SDK2: variants seen among roughly 807,000 people sequenced by gnomAD.
SDK2 encodes sidekick cell adhesion molecule 2.
Under a neutral mutation model 253.9 loss-of-function variants are expected in SDK2, and 105 were observed. The observed-to-expected ratio is 0.41, with a 90% CI of 0.35 to 0.49. The LOEUF (loss-of-function observed/expected upper bound fraction) is 0.49, where lower values mean the gene tolerates loss of function less well. Ranked by LOEUF, SDK2 falls within the 20% of genes least tolerant of loss-of-function variation. The probability of loss-of-function intolerance (pLI) is 0.06; values close to 1 mark genes in which losing one functional copy is unlikely to be tolerated. For missense variants in SDK2, 2,608 were observed against 3,003.0 expected, an observed-to-expected ratio of 0.87 and a Z score of 3.07; for synonymous variants, 1,249 against 1,234.9, an observed-to-expected ratio of 1.01 and a Z score of -0.24.
chr17:73,370,431 C>T (rs1369098069), intron 36 of SDK2, among the ~76,000 whole-genome samples: 2 of 151,958 alleles, frequency 1.3e-5, no homozygotes, highest in East Asian at 1.9e-4. Flanking sequence ...TTTGTAGAGA[C>T]GGGGTCTTGC....
intron 1 of SDK2, among the ~76,000 whole-genome samples, chr17:73,528,920 C>A (rs756449116): frequency 2.6e-5 from 4 of 152,218 alleles, no homozygotes; most frequent in Non-Finnish European, 5.9e-5. Context: ...GGGGAGCAGG[C>A]CTCGCCCCTG....
At chr17:73,409,587 G>C (rs1232662938) in intron 18 of SDK2, among the ~76,000 whole-genome samples, 2 of 151,712 alleles carry the variant, frequency 1.3e-5, no homozygotes, top group Non-Finnish European at 2.9e-5. Context: ...CTGAGATTGC[G>C]CCATTGCATT....
chr17:73,502,933 G>C (rs2063901669), intron 2 of SDK2, among the ~76,000 whole-genome samples: 1 of 152,160 alleles, frequency 6.6e-6, no homozygotes, highest in Admixed American at 6.5e-5. Context: ...ACCAATAACG[G>C]GGCAAATTGT....
intron 36 of SDK2, among the ~76,000 whole-genome samples, chr17:73,375,275 TC>T (rs1315281469): frequency 1.6e-5 from 2 of 128,306 alleles, no homozygotes; most frequent in African/African-American, 5.7e-5. Context: ...ACAGTCTTGA[TC>T]TGTTGCCCAG....
chr17:73,377,274 A>G (rs189227496), intron 36 of SDK2, among the ~76,000 whole-genome samples: 5 of 145,458 alleles, frequency 3.4e-5, no homozygotes, highest in Non-Finnish European at 7.4e-5. Flanking sequence ...GCTGGAGTGC[A>G]GTGACACGGT....
intron 36 of SDK2, 27 bp from the exon 37 acceptor site, chr17:73,368,620 G>A: frequency 1.3e-6 from 2 of 1,519,878 alleles, no homozygotes; most frequent in Non-Finnish European, 1.8e-6. Flanking sequence ...ATGTGGGAGT[G>A]AGGGGGACAG....
At chr17:73,528,036 G>A (rs1013380990) in intron 1 of SDK2, among the ~76,000 whole-genome samples, 1 of 152,100 alleles carries the variant, frequency 6.6e-6, no homozygotes, top group Non-Finnish European at 1.5e-5. Context: ...CGAGGTGACC[G>A]AGATGGAAAC....
intron 1 of SDK2, among the ~76,000 whole-genome samples, chr17:73,597,456 G>A (rs2045775446): frequency 6.6e-6 from 1 of 152,150 alleles, no homozygotes; most frequent in South Asian, 2.1e-4. Flanking sequence ...TCTGCGATGT[G>A]GACGTATCTG....
intron 33 of SDK2, among the ~76,000 whole-genome samples, chr17:73,382,262 C>T (rs897540316): frequency 3.9e-5 from 6 of 152,004 alleles, no homozygotes; most frequent in Non-Finnish European, 7.4e-5. Context: ...TGACCCCTCT[C>T]CTGCTAGTCT....
chr17:73,639,907 G>A lies in SDK2; in HGVS notation c.64+4118C>T, dbSNP rs1182124243. Among the ~76,000 whole-genome samples the A allele has an allele frequency of 6.6e-6, 1 of 152,102 alleles. No homozygotes were observed. The highest frequency in any genetic ancestry group is 2.4e-5 in the African/African-American group (1 of 41,398). ...AGACCAGATGGCCTTGTGGGCAGAC[G>A]ACGGTCCTAGATGACTTTTCGTGTG... On this transcript the variant is annotated intron_variant, in intron 1 of 44. Coordinates refer to ENST00000392650, the MANE Select transcript of SDK2 (RefSeq NM_001144952.2). The surrounding 1 kb of genome is among the most constrained non-coding windows in gnomAD (Gnocchi z 4.3).
At chr17:73,577,483 G>T (rs2045472906) in intron 1 of SDK2, among the ~76,000 whole-genome samples, 1 of 152,202 alleles carries the variant, frequency 6.6e-6, no homozygotes, top group African/African-American at 2.4e-5. Context: ...TCCCCAGCTG[G>T]TGTGGAGAGT....
Position 73,467,910 on chromosome 17 carries a change from C to T in SDK2, c.331+4202G>A, listed in dbSNP as rs1053672983. Among the ~76,000 whole-genome samples the T allele has an allele frequency of 9.2e-5, 14 of 152,142 alleles. No homozygotes were observed. Among genetic ancestry groups the T allele is most frequent in the Non-Finnish European group, 1.9e-4 (13 of 68,020 alleles). On this transcript the variant is annotated intron_variant, in intron 3 of 44. Transcript: ENST00000392650. The surrounding 1 kb of genome is among the most constrained non-coding windows in gnomAD (Gnocchi z 4.1). ...AGCTGGTGGACAGGGGGAGGTTAACCTGGGTCTCTCTCTCTGCTCCCCCTT... is the reference window on the plus strand; with the variant it reads ...AGCTGGTGGACAGGGGGAGGTTAACTTGGGTCTCTCTCTCTGCTCCCCCTT...
At position 73,472,359 on chromosome 17, in the gene SDK2, T is replaced by C. The variant is rs111280853; in HGVS notation, c.225-141A>G. ...CAGGGAACTCTTGACTCTCTAGCCATGTCATAGGATCACACAAAGGTCTTT... is the reference window on the plus strand; with the variant it reads ...CAGGGAACTCTTGACTCTCTAGCCACGTCATAGGATCACACAAAGGTCTTT... On this transcript the variant is annotated intron_variant, in intron 2 of 44. Coordinates refer to ENST00000392650, the MANE Select transcript of SDK2 (RefSeq NM_001144952.2). The C allele has an allele frequency of 1.2e-3, 757 of 623,472 alleles. 6 individuals are homozygous for C. In the African/African-American group the frequency reaches 0.013, roughly 10 times the overall value. The allele number at this position is 623,472 out of a possible 1,614,324, so 38.6% of individuals were successfully genotyped here. A position where few individuals can be genotyped will look rare whatever the true frequency, so the allele number is the denominator to read the frequency against.
Position 73,353,846 on chromosome 17 carries a change from G to A in SDK2, c.5594-1209C>T, listed in dbSNP as rs1373536710. On this transcript the variant is annotated intron_variant, in intron 40 of 44. Coordinates refer to ENST00000392650, the MANE Select transcript of SDK2 (RefSeq NM_001144952.2). ...AGCCTCCCGGATAGCTGGGATTACA[G>A]GCTTACTCCACCACGCCCAGCTAAA... Among the ~76,000 whole-genome samples, 4 of 151,068 alleles carry A rather than the reference G, an allele frequency of 2.6e-5. No homozygotes were observed. The East Asian group carries it at 5.8e-4, about 22-fold the overall frequency.
chr17:73,535,663 A>G (rs1443486892), intron 1 of SDK2, among the ~76,000 whole-genome samples: 1 of 152,188 alleles, frequency 6.6e-6, no homozygotes, highest in East Asian at 1.9e-4. Flanking sequence ...TATCAGTGGG[A>G]CATCATGGGC....
intron 2 of SDK2, among the ~76,000 whole-genome samples, chr17:73,500,617 T>G (rs1194432581): frequency 1.5e-5 from 2 of 131,980 alleles, no homozygotes; most frequent in African/African-American, 2.9e-5. Flanking sequence ...ATCTCCTCCA[T>G]CCTCTCTCCA....
At chr17:73,364,966 T>C (rs904928951) in intron 38 of SDK2, among the ~76,000 whole-genome samples, 1 of 152,138 alleles carries the variant, frequency 6.6e-6, no homozygotes. Flanking sequence ...TCCACTCAGG[T>C]TTCCCTTCCT....
intron 1 of SDK2, among the ~76,000 whole-genome samples, chr17:73,633,115 T>C (rs1198649727): frequency 1.6e-5 from 2 of 124,172 alleles, no homozygotes; most frequent in South Asian, 5.0e-4. Context: ...AGACCCTGTA[T>C]CTACAAAAAA....
intron 21 of SDK2, among the ~76,000 whole-genome samples, chr17:73,400,213 A>C (rs777400507): frequency 7.9e-5 from 12 of 152,094 alleles, no homozygotes; most frequent in African/African-American, 1.2e-4. Context: ...CACAGAGGGG[A>C]CACAGAACTT....
Sources: allele counts gnomAD v4.1 joint callset (sites outside exome capture counted in the v4.1 genomes callset), GRCh38; gene constraint gnomAD v4.1.1; non-coding constraint Gnocchi (gnomAD v3.1); transcripts MANE v1.5; gene names NCBI Gene and HGNC (gene_info 2026-07-23, HGNC 2026-07-21).